The following GABPB1 variants were observed in gnomAD, a reference collection of about 807,000 sequenced individuals.
GABPB1 encodes GA binding protein transcription factor subunit beta 1.
GABPB1 carries 15 observed loss-of-function variants against 45.9 expected under a neutral mutation model. The observed-to-expected ratio is 0.33, with a 90% CI of 0.22 to 0.50. The LOEUF (loss-of-function observed/expected upper bound fraction) is 0.50. Among genes scored for constraint, GABPB1 ranks in the 20% least tolerant of loss-of-function variants. The pLI is 0.98. For missense variants in GABPB1, 252 were observed against 457.5 expected (o/e 0.55, Z 4.10); for synonymous variants, 143 against 154.4 (o/e 0.93, Z 0.55).
intron 1 of GABPB1, among the ~76,000 whole-genome samples, chr15:50,333,054 CTTA>C (rs2047999491): frequency 1.3e-5 from 2 of 151,182 alleles, no homozygotes; most frequent in Non-Finnish European, 2.9e-5. Flanking sequence ...GGCTTAATAA[CTTA>C]TTAATAACTT....
At chr15:50,320,168 T>C (rs1453698539) in intron 1 of GABPB1, among the ~76,000 whole-genome samples, 1 of 152,224 alleles carries the variant, frequency 6.6e-6, no homozygotes, top group Non-Finnish European at 1.5e-5. Flanking sequence ...ATCCTCTTTT[T>C]TTCATTTTAC....
chr15:50,282,253 A>T, intron 8 of GABPB1: 1 of 453,416 alleles, frequency 2.2e-6, no homozygotes, highest in Non-Finnish European at 4.4e-6. Flanking sequence ...ACACTAATTT[A>T]AAAAAAGAGA....
chr15:50,317,347 T>C (rs1464139918), intron 1 of GABPB1, among the ~76,000 whole-genome samples: 2 of 146,726 alleles, frequency 1.4e-5, no homozygotes, highest in Non-Finnish European at 3.0e-5. Context: ...GAGGTTGCAG[T>C]GAGCCGAGAT....
In GABPB1 at chr15:50,286,085, C is replaced by T; in HGVS notation, c.982G>A (p.Glu328Lys). 1 of 1,612,498 alleles carries T rather than the reference C, an allele frequency of 6.2e-7. No individual in the cohort carries two copies. The highest frequency in any genetic ancestry group is 8.5e-7 in the Non-Finnish European group (1 of 1,179,184). The change falls in exon 8 of 9, where the codon GAA (glutamate) becomes AAA (lysine). Residue 328 changes from glutamate to lysine, a missense_variant. Glu to Lys is a moderately conservative substitution (Grantham distance 56). Transcript: ENST00000380877. Reference protein sequence around the residue: ...QCIEIIENRVESAEIEEREAL... With the variant: ...QCIEIIENRVKSAEIEEREAL... Reference sequence around the variant, plus strand: ...CTCCTTACTTCTATTTCTGCAGATTCCACCCGGTTTTCAATTATTTCGATA... The same window carrying T: ...CTCCTTACTTCTATTTCTGCAGATTTCACCCGGTTTTCAATTATTTCGATA...
intron 3 of GABPB1, among the ~76,000 whole-genome samples, chr15:50,303,544 T>G (rs935414241): frequency 6.6e-6 from 1 of 151,904 alleles, no homozygotes; most frequent in African/African-American, 2.4e-5. Context: ...TAGCTGGGCA[T>G]GGTGGTGGGC....
chr15:50,335,363 C>T (rs2048083223), intron 1 of GABPB1, among the ~76,000 whole-genome samples: 1 of 152,184 alleles, frequency 6.6e-6, no homozygotes, highest in Non-Finnish European at 1.5e-5. Flanking sequence ...TGGGTGGGCT[C>T]TGCATCTTAA....
chr15:50,336,026 T>TC (rs2048111276), intron 1 of GABPB1, among the ~76,000 whole-genome samples: 1 of 151,776 alleles, frequency 6.6e-6, no homozygotes. Flanking sequence ...AATTGCACAG[T>TC]CCACTCACAC....
At chr15:50,313,846 T>TA (rs1224614543) in intron 1 of GABPB1, among the ~76,000 whole-genome samples, 4 of 152,140 alleles carry the variant, frequency 2.6e-5, no homozygotes, top group Non-Finnish European at 5.9e-5. Context: ...TTACCTAATT[T>TA]AAAAAATTTT....
At chr15:50,285,532 G>A (rs1000357170) in intron 8 of GABPB1, among the ~76,000 whole-genome samples, 3 of 152,110 alleles carry the variant, frequency 2.0e-5, no homozygotes, top group Admixed American at 6.6e-5. Context: ...ACTGGTTTAC[G>A]CTTACAAATT....
chr15:50,339,576 A>C (rs2048276334), intron 1 of GABPB1, among the ~76,000 whole-genome samples: 1 of 152,094 alleles, frequency 6.6e-6, no homozygotes, highest in Admixed American at 6.6e-5. Flanking sequence ...TATATTTATC[A>C]GATATACATT....
chr15:50,337,075 G>GTATATATATATATATA (rs869106382), intron 1 of GABPB1, among the ~76,000 whole-genome samples: 8 of 14,180 alleles, frequency 5.6e-4, no homozygotes, highest in Admixed American at 9.5e-4. Context: ...ATATGTGTGT[G>GTATATATATATATATA]TATATATATA....
At chr15:50,317,568 T>G (rs1166365283) in intron 1 of GABPB1, among the ~76,000 whole-genome samples, 2 of 152,112 alleles carry the variant, frequency 1.3e-5, no homozygotes, top group Non-Finnish European at 2.9e-5. Context: ...AAAGCTTTTT[T>G]TCAAAATTAG....
intron 1 of GABPB1, among the ~76,000 whole-genome samples, chr15:50,342,606 T>G (rs1041050787): frequency 6.6e-6 from 1 of 152,222 alleles, no homozygotes; most frequent in Non-Finnish European, 1.5e-5. Flanking sequence ...ACACCATAGA[T>G]CAGTGCTCTT....
intron 6 of GABPB1, among the ~76,000 whole-genome samples, chr15:50,299,393 C>G (rs1200164525): frequency 6.6e-6 from 1 of 152,170 alleles, no homozygotes; most frequent in African/African-American, 2.4e-5. Context: ...CATTTAACAA[C>G]AGGTAACCCT....
chr15:50,316,819 T>A lies in GABPB1; in HGVS notation c.1-7021A>T, dbSNP rs187515822. Among the ~76,000 whole-genome samples the A allele has an allele frequency of 4.6e-5, 7 of 152,290 alleles. No homozygotes were observed. The East Asian group carries it at 1.3e-3, about 29-fold the overall frequency. Reference sequence around the variant, plus strand: ...TTATTTCTTTTACATTATGAACAATTTGTAGTATATATAAACTAGACAGTC... The same window carrying A: ...TTATTTCTTTTACATTATGAACAATATGTAGTATATATAAACTAGACAGTC... On this transcript the variant is annotated intron_variant, in intron 1 of 8. Transcript: ENST00000380877.
rs753454238 is a variant in GABPB1 at position 50,278,792 on chromosome 15, AAAG to A, written c.1000-11_1000-9del. The A allele has an allele frequency of 1.9e-6, 3 of 1,554,462 alleles. No individual in the cohort carries two copies. The highest frequency in any genetic ancestry group is 2.3e-5 in the East Asian group (1 of 44,418). On this transcript the variant is annotated splice_polypyrimidine_tract_variant and intron_variant, in intron 8 of 8. Transcript: ENST00000380877. ...CTGAAGAGCTTCTCTCTCCTAATTAAAAGAAGAGGGTTTTTTTTTTAATTTTTG... is the reference window on the plus strand; with the variant it reads ...CTGAAGAGCTTCTCTCTCCTAATTAAAAGAGGGTTTTTTTTTTAATTTTTG...
Position 50,278,617 on chromosome 15 carries a change from A to T in GABPB1, c.*15T>A. 6.2e-7 allele frequency: 1 copy of T among 1,607,708 alleles called. No homozygotes were observed. Among genetic ancestry groups the T allele is most frequent in the Non-Finnish European group, 8.5e-7 (1 of 1,177,510 alleles). On this transcript the variant is annotated 3_prime_UTR_variant, in exon 9 of 9. Transcript: ENST00000380877. ...TCTTGACCAAAAGTAAAATCAAACT[A>T]CATGTTCATTTCAATTAAACAGCTT...
At chr15:50,287,527 G>A (rs1200090799) in intron 7 of GABPB1, among the ~76,000 whole-genome samples, 1 of 152,174 alleles carries the variant, frequency 6.6e-6, no homozygotes, top group Non-Finnish European at 1.5e-5. Flanking sequence ...TTAGGACACA[G>A]ATAACACAAA....
At chr15:50,329,830 CTTT>C (rs1181145574) in intron 1 of GABPB1, among the ~76,000 whole-genome samples, 7 of 151,840 alleles carry the variant, frequency 4.6e-5, no homozygotes, top group Non-Finnish European at 7.4e-5. Flanking sequence ...TCTAATTTGT[CTTT>C]TAAGTGTTTC....
Sources: allele counts gnomAD v4.1 joint callset (sites outside exome capture counted in the v4.1 genomes callset), GRCh38; gene constraint gnomAD v4.1.1; transcripts MANE v1.5; gene names NCBI Gene and HGNC (gene_info 2026-07-23, HGNC 2026-07-21).